Variants in GPC6 observed in about 807,000 individuals in gnomAD.
GPC6 encodes the protein glypican 6, also known as glypican-6.
GPC6 carries 14 observed loss-of-function variants against 55.2 expected under a neutral mutation model. That is an observed-to-expected ratio of 0.25 (90% CI 0.17 to 0.40). GPC6 has a LOEUF of 0.40. Ranked by LOEUF, GPC6 falls within the 10% of genes least tolerant of loss-of-function variation. The pLI is 1.00. For synonymous variants in GPC6, 278 were observed against 259.6 expected, an observed-to-expected ratio of 1.07 and a Z score of -0.68; for missense variants, 641 against 708.5, an observed-to-expected ratio of 0.90 and a Z score of 1.08.
intron 3 of GPC6, among the ~76,000 whole-genome samples, chr13:93,994,682 T>C (rs1415736): frequency 0.78 from 118,350 of 152,098 alleles, 46,633 homozygotes; most frequent in Non-Finnish European, 0.85. Flanking sequence ...GACTCTAGTG[T>C]TCTCTATTGC....
In GPC6 at chr13:93,459,136, G is replaced by A. The variant is rs146672494; in HGVS notation, c.161-86127G>A. Among the ~76,000 whole-genome samples, 531 of 152,250 alleles carry A rather than the reference G, an allele frequency of 3.5e-3. 8 individuals carry two copies. The highest frequency in any genetic ancestry group is 0.023 in the Admixed American group (353 of 15,294). On this transcript the variant is annotated intron_variant, in intron 1 of 8. Coordinates refer to ENST00000377047, the MANE Select transcript of GPC6 (RefSeq NM_005708.5). ...TGCAGTGGTGCCATCATAGCTCACCGCAGTCTTAACCTCCTGGATTCAAGC... is the reference window on the plus strand; with the variant it reads ...TGCAGTGGTGCCATCATAGCTCACCACAGTCTTAACCTCCTGGATTCAAGC...
rs530667314 is a variant in GPC6, at chr13:93,580,324, G to T, written c.319+34903G>T. Among the ~76,000 whole-genome samples the T allele has an allele frequency of 7.2e-5, 11 of 152,260 alleles. No individual in the cohort carries two copies. In the East Asian group the frequency reaches 2.1e-3, roughly 29 times the overall value. ...ACCAATGAATACCATGACATTGAAG[G>T]TTAGGATTTTACATATGAGTTATAG... On this transcript the variant is annotated intron_variant, in intron 2 of 8. Coordinates refer to ENST00000377047, the MANE Select transcript of GPC6 (RefSeq NM_005708.5).
intron 1 of GPC6, among the ~76,000 whole-genome samples, chr13:93,436,494 G>C (rs1877577700): frequency 6.6e-6 from 1 of 152,236 alleles, no homozygotes; most frequent in South Asian, 2.1e-4. Context: ...ACATGCTGGA[G>C]GCAATGAGAG....
chr13:93,735,520 C>CAAAA (rs35851863), intron 2 of GPC6, among the ~76,000 whole-genome samples: 1 of 123,464 alleles, frequency 8.1e-6, no homozygotes. Flanking sequence ...GACTCCATCT[C>CAAAA]AAAAAAAAAA....
chr13:94,266,432 T>A (rs1461667279), intron 4 of GPC6, among the ~76,000 whole-genome samples: 1 of 152,190 alleles, frequency 6.6e-6, no homozygotes, highest in Admixed American at 6.5e-5. Flanking sequence ...CCTCCCAAAG[T>A]GCTGGGATTA....
At chr13:93,974,095 G>T (rs1192031918) in intron 3 of GPC6, among the ~76,000 whole-genome samples, 2 of 152,144 alleles carry the variant, frequency 1.3e-5, no homozygotes, top group East Asian at 1.9e-4. Context: ...GCAGGCTGGT[G>T]GTTACCCAAG....
intron 4 of GPC6, among the ~76,000 whole-genome samples, chr13:94,096,551 A>G (rs1885665153): frequency 6.6e-6 from 1 of 152,084 alleles, no homozygotes; most frequent in Non-Finnish European, 1.5e-5. Context: ...TGTTGCCTAC[A>G]TTTTTTAGAT....
intron 3 of GPC6, among the ~76,000 whole-genome samples, chr13:93,910,970 C>T (rs1353609422): frequency 2.0e-5 from 3 of 152,238 alleles, no homozygotes; most frequent in Admixed American, 1.3e-4. Context: ...GCTGTATCCT[C>T]GAATACTGCA....
At chr13:94,301,090 A>AT (rs1288636772) in intron 5 of GPC6, among the ~76,000 whole-genome samples, 1 of 152,192 alleles carries the variant, frequency 6.6e-6, no homozygotes, top group African/African-American at 2.4e-5. Context: ...AACACTACTG[A>AT]TGTCATCCTC....
chr13:93,962,431 T>A (rs1261892025), intron 3 of GPC6, among the ~76,000 whole-genome samples: 1 of 152,048 alleles, frequency 6.6e-6, no homozygotes, highest in Non-Finnish European at 1.5e-5. Flanking sequence ...ATATATATTT[T>A]TTTTCTTTCT....
intron 1 of GPC6, among the ~76,000 whole-genome samples, chr13:93,298,484 G>T (rs1878568044): frequency 6.6e-6 from 1 of 152,152 alleles, no homozygotes; most frequent in Admixed American, 6.6e-5. Context: ...ACCCAGGTTG[G>T]AGTGCAGTGG....
intron 2 of GPC6, among the ~76,000 whole-genome samples, chr13:93,605,764 C>T (rs1241569193): frequency 5.1e-4 from 76 of 149,548 alleles, no homozygotes; most frequent in Non-Finnish European, 5.9e-5. Flanking sequence ...ATCACTTGAA[C>T]CCAGGAGGTG....
rs1883694189 is a variant in GPC6 at position 93,727,780 on chromosome 13, T to A, written c.320-102374T>A. Among the ~76,000 whole-genome samples the A allele has an allele frequency of 2.6e-5, 4 of 152,282 alleles. No homozygotes were observed. In the South Asian group the frequency reaches 8.3e-4, roughly 32 times the overall value. ...AATATCAGGATGTGTCACTTTCCTG[T>A]CTGAGGCCCTCCTTGGTCTTCTTAT... On this transcript the variant is annotated intron_variant, in intron 2 of 8. Transcript: ENST00000377047.
At chr13:93,809,898 A>G (rs527257389) in intron 2 of GPC6, among the ~76,000 whole-genome samples, 15 of 152,298 alleles carry the variant, frequency 9.8e-5, no homozygotes, top group Middle Eastern at 3.4e-3. Context: ...GTTTCAAGTA[A>G]ATAAGAACTG....
intron 4 of GPC6, among the ~76,000 whole-genome samples, chr13:94,242,837 G>T (rs1283039466): frequency 6.6e-6 from 1 of 151,870 alleles, no homozygotes; most frequent in African/African-American, 2.4e-5. Context: ...TACACAGTCT[G>T]TTGGGTTTGT....
At position 94,238,684 on chromosome 13, in the gene GPC6, G is replaced by A. The variant is rs76852679; in HGVS notation, c.878-47665G>A. 3.9e-3 allele frequency among the ~76,000 whole-genome samples: 592 copies of A among 152,246 alleles called. 6 individuals are homozygous for A. Among genetic ancestry groups the A allele is most frequent in the African/African-American group, 0.012 (507 of 41,572 alleles). On this transcript the variant is annotated intron_variant, in intron 4 of 8. Coordinates refer to ENST00000377047, the MANE Select transcript of GPC6 (RefSeq NM_005708.5). ...TTAGGGAGCTTTGGGAATAAGCACC[G>A]TGTGAGAAAGTAGAAGCAAAAGATA...
At chr13:93,676,796 A>T (rs985995796) in intron 2 of GPC6, among the ~76,000 whole-genome samples, 1 of 152,102 alleles carries the variant, frequency 6.6e-6, no homozygotes, top group Non-Finnish European at 1.5e-5. Context: ...ATGGATTGAT[A>T]GGGCATTTCA....
At chr13:94,139,998 T>C (rs1887319107) in intron 4 of GPC6, among the ~76,000 whole-genome samples, 1 of 152,204 alleles carries the variant, frequency 6.6e-6, no homozygotes, top group Non-Finnish European at 1.5e-5. Flanking sequence ...AATTTATATT[T>C]TCATTCATTA....
At chr13:93,882,587 C>T (rs1194064546) in intron 3 of GPC6, among the ~76,000 whole-genome samples, 1 of 151,814 alleles carries the variant, frequency 6.6e-6, no homozygotes, top group Non-Finnish European at 1.5e-5. Context: ...AATTTGTATA[C>T]ATTAGAGATC....
Sources: allele counts gnomAD v4.1 joint callset (sites outside exome capture counted in the v4.1 genomes callset), GRCh38; gene constraint gnomAD v4.1.1; transcripts MANE v1.5; gene names NCBI Gene and HGNC (gene_info 2026-07-23, HGNC 2026-07-21).